The following FRMD4A variants were observed in gnomAD, a reference collection of about 807,000 sequenced individuals.
FRMD4A encodes the protein FERM domain-containing protein 4A.
FRMD4A carries 29 observed loss-of-function variants against 129.1 expected under a neutral mutation model. That is an observed-to-expected ratio of 0.22 (90% CI 0.17 to 0.31). The LOEUF is 0.31. FRMD4A is among the 10% of genes least tolerant of loss of function. The probability of loss-of-function intolerance (pLI) is 1.00; values close to 1 mark genes in which losing one functional copy is unlikely to be tolerated. For synonymous variants in FRMD4A, 634 were observed against 571.6 expected (o/e 1.11, Z -1.56); for missense variants, 1,272 against 1,375.8 (o/e 0.92, Z 1.19).
At chr10:13,896,932 G>A (rs755226276) in intron 2 of FRMD4A, among the ~76,000 whole-genome samples, 11 of 152,102 alleles carry the variant, frequency 7.2e-5, no homozygotes, top group East Asian at 1.9e-4. Context: ...CCGTTTATGC[G>A]TGAGGTTGCA....
intron 2 of FRMD4A, among the ~76,000 whole-genome samples, chr10:13,984,561 ACT>A (rs931509392): frequency 6.6e-6 from 1 of 152,036 alleles, no homozygotes; most frequent in Admixed American, 6.5e-5. Flanking sequence ...TCTTCTGGTA[ACT>A]CTGTTTTGCT....
chr10:13,985,323 C>T (rs549484003), intron 2 of FRMD4A, among the ~76,000 whole-genome samples: 3 of 152,334 alleles, frequency 2.0e-5, no homozygotes, highest in African/African-American at 7.2e-5. Flanking sequence ...GTCAGCTGGT[C>T]TCTCTACTCA....
chr10:13,890,812 C>G (rs2094686673), intron 2 of FRMD4A: 1 of 985,158 alleles, frequency 1.0e-6, no homozygotes, highest in African/African-American at 1.7e-5. Context: ...ATGGCTGCAT[C>G]GTTCAGAATG....
chr10:13,676,411 C>T (rs547334776), intron 15 of FRMD4A, among the ~76,000 whole-genome samples: 6 of 150,122 alleles, frequency 4.0e-5, no homozygotes, highest in South Asian at 4.2e-4. Flanking sequence ...TACAGGCACC[C>T]GCCACCACAC....
At chr10:13,714,849 C>A (rs898408345) in intron 12 of FRMD4A, among the ~76,000 whole-genome samples, 5 of 151,632 alleles carry the variant, frequency 3.3e-5, no homozygotes, top group Non-Finnish European at 5.9e-5. Context: ...ACCAGCCTGG[C>A]CAACATGGTG....
intron 2 of FRMD4A, among the ~76,000 whole-genome samples, chr10:13,937,825 T>C (rs572581754): frequency 2.0e-5 from 3 of 152,348 alleles, no homozygotes; most frequent in Admixed American, 2.0e-4. Flanking sequence ...CTCTTAATTG[T>C]AACCATTATA....
At chr10:14,104,378 C>T (rs556884005) in intron 2 of FRMD4A, among the ~76,000 whole-genome samples, 1 of 152,370 alleles carries the variant, frequency 6.6e-6, no homozygotes, top group South Asian at 2.1e-4. Context: ...CTTCCCTGCT[C>T]TAGATCTCTT....
Position 13,660,443 on chromosome 10 carries a change from G to T in FRMD4A, c.1771C>A (p.Leu591Ile). ...TTGCGGTGATAGTGCATCTGTCGGA[G>T]TCCCTCCAGGGACTGGGGAGGAGGA... ...RPPPPQSLEGLRQMHYHRNDY... is the reference protein window; with the variant it reads ...RPPPPQSLEGIRQMHYHRNDY... Residue 591 changes from leucine to isoleucine, a missense_variant, in exon 20 of 25, where the codon CTC becomes ATC. Physicochemically the swap from Leu to Ile is conservative, Grantham distance 5. This residue lies in a region of FRMD4A where 972 missense variants were observed against 892.3 expected (regional missense o/e 1.09). Coordinates refer to ENST00000357447, the MANE Select transcript of FRMD4A (RefSeq NM_018027.5). 6.2e-7 allele frequency: 1 copy of T among 1,613,968 alleles called. No individual in the cohort carries two copies. Among genetic ancestry groups the T allele is most frequent in the Non-Finnish European group, 8.5e-7 (1 of 1,179,792 alleles).
intron 12 of FRMD4A, chr10:13,707,538 G>A: frequency 2.0e-6 from 2 of 1,002,248 alleles, no homozygotes; most frequent in South Asian, 4.4e-5. Context: ...TCAGGAGGGA[G>A]CGGTAGCCAT....
intron 12 of FRMD4A, among the ~76,000 whole-genome samples, chr10:13,728,560 G>A (rs1424604715): frequency 1.1e-5 from 1 of 90,106 alleles, no homozygotes; most frequent in Non-Finnish European, 2.4e-5. Flanking sequence ...AGTGCTTTCA[G>A]GTGATTACCA....
intron 8 of FRMD4A, among the ~76,000 whole-genome samples, chr10:13,754,302 A>G (rs1007683910): frequency 6.6e-6 from 1 of 150,868 alleles, no homozygotes; most frequent in Non-Finnish European, 1.5e-5. Flanking sequence ...AAAAAAAACT[A>G]CCCTATCCCT....
chr10:14,224,546 A>G (rs1374954207), intron 2 of FRMD4A, among the ~76,000 whole-genome samples: 1 of 152,234 alleles, frequency 6.6e-6, no homozygotes, highest in African/African-American at 2.4e-5. Flanking sequence ...TGGACAGTCA[A>G]AATTGTTTGC....
chr10:14,177,633 C>A (rs182406647), intron 2 of FRMD4A, among the ~76,000 whole-genome samples: 2 of 152,192 alleles, frequency 1.3e-5, no homozygotes. Context: ...AGAGGGGGGA[C>A]TATGCCAAGG....
At chr10:13,809,311 T>G (rs1020697744) in intron 4 of FRMD4A, among the ~76,000 whole-genome samples, 1 of 152,196 alleles carries the variant, frequency 6.6e-6, no homozygotes, top group Middle Eastern at 3.2e-3. Context: ...AGGCCTCCTC[T>G]AGAGTTCACG....
At chr10:14,207,636 G>A (rs1199866159) in intron 2 of FRMD4A, among the ~76,000 whole-genome samples, 7 of 151,544 alleles carry the variant, frequency 4.6e-5, no homozygotes, top group Middle Eastern at 3.4e-3. Flanking sequence ...TTAGCAGAAT[G>A]CTCAACACTA....
intron 2 of FRMD4A, among the ~76,000 whole-genome samples, chr10:14,282,263 T>C (rs1845545975): frequency 6.6e-6 from 1 of 152,098 alleles, no homozygotes; most frequent in Non-Finnish European, 1.5e-5. Context: ...AGCATATCAA[T>C]ATCCATTAGG....
At chr10:14,053,438 A>G (rs1278187701) in intron 2 of FRMD4A, among the ~76,000 whole-genome samples, 2 of 152,136 alleles carry the variant, frequency 1.3e-5, no homozygotes, top group Admixed American at 6.5e-5. Context: ...AAGCTTTACT[A>G]TCAGCACAGC....
intron 2 of FRMD4A, among the ~76,000 whole-genome samples, chr10:13,884,146 TCACACACTCTCA>T (rs2094581880): frequency 4.0e-5 from 4 of 99,346 alleles, no homozygotes; most frequent in Admixed American, 2.1e-4. Context: ...ACACACACTC[TCACACACTCTCA>T]CACACACACT....
rs556840986 is a variant in FRMD4A, at chr10:14,196,688, T to C, written c.45+133370A>G. Among the ~76,000 whole-genome samples the C allele has an allele frequency of 3.9e-5, 6 of 152,346 alleles. No homozygotes were observed. The East Asian group carries it at 1.2e-3, about 29-fold the overall frequency. On this transcript the variant is annotated intron_variant, in intron 2 of 24. Coordinates refer to ENST00000357447, the MANE Select transcript of FRMD4A (RefSeq NM_018027.5). Reference sequence around the variant, plus strand: ...AAGTGTACTTTACATTGTTTGGTGTTGGATTAGAAATGCCATTCTTAATGT... The same window carrying C: ...AAGTGTACTTTACATTGTTTGGTGTCGGATTAGAAATGCCATTCTTAATGT...
Sources: gnomAD v4.1 joint callset for allele counts (sites outside exome capture counted in the v4.1 genomes callset) on GRCh38, gnomAD v4.1.1 for gene constraint, gnomAD v4.1.1 regional missense constraint, MANE v1.5 for transcripts, NCBI Gene and HGNC (gene_info 2026-07-23, HGNC 2026-07-21) for gene names.